SOCS7: variants seen among roughly 807,000 people sequenced by gnomAD.
The protein encoded by SOCS7 is NAP-4.
Under a neutral mutation model 58.9 loss-of-function variants are expected in SOCS7, and 18 were observed. That is an observed-to-expected ratio of 0.31 (90% CI 0.21 to 0.45). The LOEUF is 0.45. Ranked by LOEUF, SOCS7 falls within the 20% of genes least tolerant of loss-of-function variation. The pLI, the probability that SOCS7 is intolerant of heterozygous loss-of-function variation, is 1.00. For missense variants in SOCS7, 667 were observed against 837.3 expected (o/e 0.80, Z 2.51); for synonymous variants, 388 against 364.3 (o/e 1.06, Z -0.74).
At chr17:38,377,910 C>A in intron 7 of SOCS7, 68 bp downstream of exon 7, 1 of 1,487,374 alleles carries the variant, frequency 6.7e-7, no homozygotes, top group Non-Finnish European at 9.2e-7. Flanking sequence ...TCAAAAAACA[C>A]CATCCCCACA....
At chr17:38,391,789 C>T (rs773773059) in intron 7 of SOCS7, among the ~76,000 whole-genome samples, 14 of 152,088 alleles carry the variant, frequency 9.2e-5, no homozygotes, top group Non-Finnish European at 1.6e-4. Context: ...TCTCTTTTTA[C>T]TTACACTGTT....
At chr17:38,398,589 T>A (rs2038275105) in intron 9 of SOCS7, among the ~76,000 whole-genome samples, 3 of 152,176 alleles carry the variant, frequency 2.0e-5, no homozygotes, top group Admixed American at 2.0e-4. Flanking sequence ...TTATGACTTC[T>A]TGTTGTTCAG....
intron 1 of SOCS7, 115 bp from the exon 2 acceptor site, chr17:38,361,596 A>G: frequency 3.7e-6 from 3 of 808,928 alleles, no homozygotes; most frequent in South Asian, 1.4e-5. Flanking sequence ...TGTTGCTGAC[A>G]ACGACTAGGG....
chr17:38,377,613 G>A, intron 6 of SOCS7, 101 bp from the exon 7 acceptor site: 1 of 1,117,990 alleles, frequency 8.9e-7, no homozygotes, highest in South Asian at 1.8e-5. Context: ...CCCCCAAACT[G>A]CCCTCCCAAA....
Position 38,365,169 on chromosome 17 carries a change from CTG to C in SOCS7, c.1151-136_1151-135del, listed in dbSNP as rs2037772715. 2.7e-5 allele frequency: 17 copies of C among 631,802 alleles called. No homozygotes were observed. The South Asian group carries it at 3.5e-4, about 13-fold the overall frequency. 39.1% of individuals were successfully genotyped at this position (631,802 alleles called of 1,614,324 possible). ...AACAGAGTAAGATGATTGTTGCCCT[CTG>C]TGCAAAAAGACTGGGTGAAGGTTGG... On this transcript the variant is annotated intron_variant, in intron 3 of 9. Coordinates refer to ENST00000612932, the MANE Select transcript of SOCS7 (RefSeq NM_014598.4).
intron 9 of SOCS7, among the ~76,000 whole-genome samples, chr17:38,397,473 C>A (rs1171575289): frequency 6.6e-6 from 1 of 152,240 alleles, no homozygotes; most frequent in African/African-American, 2.4e-5. Context: ...ACCTCTAGGT[C>A]CCCTTGCCCA....
rs587751467 is a variant in SOCS7 at position 38,356,707 on chromosome 17, A to G, written c.980+3675A>G. On this transcript the variant is annotated intron_variant, in intron 1 of 9. Coordinates refer to ENST00000612932, the MANE Select transcript of SOCS7 (RefSeq NM_014598.4). ...AAGAAAGAAAGAAAGAAAGAAAGAA[A>G]TGGGCCCAGCAACTAATCAGGTTTC... 4.0e-5 allele frequency among the ~76,000 whole-genome samples: 6 copies of G among 151,810 alleles called. No homozygotes were observed. In the South Asian group the frequency reaches 8.3e-4, roughly 21 times the overall value.
chr17:38,364,887 C>A, intron 3 of SOCS7, 31 bp downstream of exon 3: 2 of 1,543,616 alleles, frequency 1.3e-6, no homozygotes, highest in Non-Finnish European at 1.8e-6. Context: ...CACCTTCTTG[C>A]CTAGTGGGAG....
intron 7 of SOCS7, among the ~76,000 whole-genome samples, chr17:38,391,184 ATTAG>A (rs2038169270): frequency 6.6e-6 from 1 of 152,102 alleles, no homozygotes; most frequent in South Asian, 2.1e-4. Context: ...TAACTCATTT[ATTAG>A]TTCTATTATG....
At chr17:38,397,126 A>G (rs969657329) in intron 9 of SOCS7, among the ~76,000 whole-genome samples, 1 of 152,192 alleles carries the variant, frequency 6.6e-6, no homozygotes, top group Non-Finnish European at 1.5e-5. Flanking sequence ...GGAGAGCTCA[A>G]ACTTCATCAT....
At chr17:38,399,123 A>T (rs984436789) in intron 9 of SOCS7, among the ~76,000 whole-genome samples, 1 of 151,272 alleles carries the variant, frequency 6.6e-6, no homozygotes, top group African/African-American at 2.4e-5. Flanking sequence ...AGAAATATAG[A>T]GCTCTTTCTT....
chr17:38,389,865 G>GTGTA lies in SOCS7; in HGVS notation c.1682-5443_1682-5442insGTAT, dbSNP rs1555571065. Among the ~76,000 whole-genome samples, 34 of 26,898 alleles carry GTGTA rather than the reference G, an allele frequency of 1.3e-3. 3 individuals are homozygous for GTGTA. The highest frequency in any genetic ancestry group is 3.4e-3 in the African/African-American group (32 of 9,338). 17.6% of individuals were successfully genotyped at this position (26,898 alleles called of 152,430 possible). A position where few individuals can be genotyped will look rare whatever the true frequency, so the allele number is the denominator to read the frequency against. On this transcript the variant is annotated intron_variant, in intron 7 of 9. Transcript: ENST00000612932. ...ATTTTTTTGTTTGGTGTGTATGTGTGTACATATATATATATATGTACATAT... is the reference window on the plus strand; with the variant it reads ...ATTTTTTTGTTTGGTGTGTATGTGTGTGTATACATATATATATATATGTACATAT...
At chr17:38,362,718 G>A (rs1449063228) in intron 2 of SOCS7, among the ~76,000 whole-genome samples, 5 of 152,220 alleles carry the variant, frequency 3.3e-5, no homozygotes, top group Admixed American at 3.3e-4. Flanking sequence ...CTGTAGTGGA[G>A]AAGGAGGTCT....
intron 7 of SOCS7, among the ~76,000 whole-genome samples, chr17:38,382,045 C>T (rs1250235790): frequency 2.0e-5 from 3 of 150,986 alleles, no homozygotes; most frequent in Non-Finnish European, 4.4e-5. Flanking sequence ...AACCTCTGAT[C>T]CTATTAGAGC....
intron 7 of SOCS7, among the ~76,000 whole-genome samples, chr17:38,386,899 C>G (rs548834217): frequency 1.3e-5 from 2 of 149,520 alleles, no homozygotes; most frequent in African/African-American, 5.0e-5. Flanking sequence ...TCCTGGCTAA[C>G]ACGGTGAAAC....
At chr17:38,362,213 C>T (rs41392147) in intron 2 of SOCS7, among the ~76,000 whole-genome samples, 1,926 of 152,220 alleles carry the variant, frequency 0.013, 39 homozygotes, top group African/African-American at 0.043. Flanking sequence ...CTTTTTTGGG[C>T]AAAGGGGATT....
At chr17:38,392,090 A>T (rs2038179453) in intron 7 of SOCS7, among the ~76,000 whole-genome samples, 1 of 152,200 alleles carries the variant, frequency 6.6e-6, no homozygotes, top group Non-Finnish European at 1.5e-5. Flanking sequence ...CTTATCCTGG[A>T]TTCTTCACAT....
chr17:38,396,539 G>A (rs987356260), intron 9 of SOCS7, among the ~76,000 whole-genome samples: 8 of 152,206 alleles, frequency 5.3e-5, no homozygotes, highest in Admixed American at 1.3e-4. Flanking sequence ...TCTATTTAGC[G>A]TTCCATTTGG....
At position 38,361,560 on chromosome 17, in the gene SOCS7, C is replaced by G. The variant is rs9890974; in HGVS notation, c.981-151C>G. On this transcript the variant is annotated intron_variant, in intron 1 of 9. Coordinates refer to ENST00000612932, the MANE Select transcript of SOCS7 (RefSeq NM_014598.4). ...TTGCCTTAATTATTTCATTCTCCCC[C>G]TTTATTTTATGCTGTATTACAAGAG... 8,462 of 692,910 alleles carry G rather than the reference C, an allele frequency of 0.012. 534 individuals carry two copies. In the African/African-American group the frequency reaches 0.14, roughly 11 times the overall value. 42.9% of individuals were successfully genotyped at this position (692,910 alleles called of 1,614,324 possible). A position where few individuals can be genotyped will look rare whatever the true frequency, so the allele number is the denominator to read the frequency against.
Sources: gnomAD v4.1 joint callset for allele counts (sites outside exome capture counted in the v4.1 genomes callset) on GRCh38, gnomAD v4.1.1 for gene constraint, MANE v1.5 for transcripts, NCBI Gene and HGNC (gene_info 2026-07-23, HGNC 2026-07-21) for gene names.